The following KCNMA1 variants were observed in gnomAD, a reference collection of about 807,000 sequenced individuals.
KCNMA1 encodes the protein potassium calcium-activated channel subfamily M alpha 1.
Under a neutral mutation model 140.0 loss-of-function variants are expected in KCNMA1, and 29 were observed. The observed-to-expected ratio is 0.21, with a 90% CI of 0.15 to 0.28. The LOEUF (loss-of-function observed/expected upper bound fraction) is 0.28. KCNMA1 is among the 10% of genes least tolerant of loss of function. The pLI is 1.00. For synonymous variants in KCNMA1, 612 were observed against 611.9 expected, an observed-to-expected ratio of 1.00 and a Z score of 0.00; for missense variants, 880 against 1,602.2, an observed-to-expected ratio of 0.55 and a Z score of 7.70.
At chr10:77,103,190 C>G (rs912454539) in intron 9 of KCNMA1, among the ~76,000 whole-genome samples, 3 of 152,194 alleles carry the variant, frequency 2.0e-5, no homozygotes, top group African/African-American at 7.2e-5. Context: ...ATTAAGTACT[C>G]TAGTTTCATA....
intron 2 of KCNMA1, among the ~76,000 whole-genome samples, chr10:77,299,156 T>C (rs77633475): frequency 0.03 from 4,614 of 152,228 alleles, 107 homozygotes; most frequent in South Asian, 0.039. Flanking sequence ...TTTTGGCATG[T>C]GATAAAGATG....
chr10:77,216,366 A>AG (rs2047790113), intron 3 of KCNMA1, among the ~76,000 whole-genome samples: 1 of 152,166 alleles, frequency 6.6e-6, no homozygotes, highest in Non-Finnish European at 1.5e-5. Context: ...ATGAAGAAGA[A>AG]GGGGGGAAGA....
intron 23 of KCNMA1, among the ~76,000 whole-genome samples, chr10:76,920,692 A>G (rs770880852): frequency 6.6e-6 from 1 of 152,214 alleles, no homozygotes; most frequent in Non-Finnish European, 1.5e-5. Flanking sequence ...CCAATTGGTA[A>G]GTGTCCCTGG....
rs144913165 is a variant in KCNMA1, at chr10:77,044,049, C to G, written c.1750-4412G>C. 6.0e-4 allele frequency among the ~76,000 whole-genome samples: 91 copies of G among 152,194 alleles called. 1 individual carries two copies. Among genetic ancestry groups the G allele is most frequent in the Middle Eastern group, 3.4e-3 (1 of 292 alleles). On this transcript the variant is annotated intron_variant, in intron 14 of 27. Coordinates refer to ENST00000286628, the MANE Select transcript of KCNMA1 (RefSeq NM_001161352.2). ...AAAACCCTTATGTATAACATAAGAG[C>G]AGGAGAATCAGTAATTATAATTAAT...
At chr10:77,252,617 C>T (rs889131260) in intron 2 of KCNMA1, among the ~76,000 whole-genome samples, 1 of 151,416 alleles carries the variant, frequency 6.6e-6, no homozygotes, top group Admixed American at 6.6e-5. Flanking sequence ...CACCCACCCA[C>T]ACACACACAC....
At chr10:77,292,018 G>C (rs10824515) in intron 2 of KCNMA1, among the ~76,000 whole-genome samples, 36,498 of 152,060 alleles carry the variant, frequency 0.24, 5,621 homozygotes, top group Non-Finnish European at 0.35. Context: ...TTGAACTAAG[G>C]GATGAAAGTT....
chr10:77,022,813 G>A, intron 16 of KCNMA1: 2 of 242,948 alleles, frequency 8.2e-6, no homozygotes, highest in Middle Eastern at 4.5e-4. Context: ...ATTCTCATCA[G>A]TCAGGCCGAT....
intron 1 of KCNMA1, among the ~76,000 whole-genome samples, chr10:77,633,248 C>T (rs535471935): frequency 6.6e-6 from 1 of 151,960 alleles, no homozygotes; most frequent in Non-Finnish European, 1.5e-5. Flanking sequence ...CCAGGAGGCG[C>T]AGGCTGCAGT....
chr10:77,585,814 G>A (rs1428654974), intron 1 of KCNMA1, among the ~76,000 whole-genome samples: 1 of 152,102 alleles, frequency 6.6e-6, no homozygotes, highest in Non-Finnish European at 1.5e-5. Flanking sequence ...TCAGACCACA[G>A]CTCCTTGAAG....
intron 9 of KCNMA1, among the ~76,000 whole-genome samples, chr10:77,103,558 T>G (rs2097142679): frequency 6.6e-6 from 1 of 152,214 alleles, no homozygotes; most frequent in African/African-American, 2.4e-5. Flanking sequence ...AGTCCAAGTT[T>G]AGCAGATCAC....
Position 77,602,095 on chromosome 10 carries a change from C to G in KCNMA1, c.378+35170G>C, listed in dbSNP as rs543286605. On this transcript the variant is annotated intron_variant, in intron 1 of 27. Coordinates refer to ENST00000286628, the MANE Select transcript of KCNMA1 (RefSeq NM_001161352.2). ...GAGGGGTCTTTTGAATGTATTCCCA[C>G]TTGTGAGGGACACAAAACTCACCAA... is the stretch of plus-strand genomic sequence containing the variant. 2.0e-5 allele frequency among the ~76,000 whole-genome samples: 3 copies of G among 152,322 alleles called. No individual in the cohort carries two copies. The East Asian group carries it at 5.8e-4, about 29-fold the overall frequency.
chr10:77,033,535 G>A (rs1043278946), intron 15 of KCNMA1, among the ~76,000 whole-genome samples: 3 of 151,938 alleles, frequency 2.0e-5, no homozygotes, highest in African/African-American at 7.3e-5. Flanking sequence ...ACTTGATACA[G>A]ACAATTAACT....
rs1317212391 is a variant in KCNMA1 at position 76,941,185 on chromosome 10, G to C, written c.2902+3588C>G. Among the ~76,000 whole-genome samples, 5 of 121,740 alleles carry C rather than the reference G, an allele frequency of 4.1e-5. No homozygotes were observed. The South Asian group carries it at 1.3e-3, about 31-fold the overall frequency. 79.9% of individuals were successfully genotyped at this position (121,740 alleles called of 152,430 possible). A position where few individuals can be genotyped will look rare whatever the true frequency, so the allele number is the denominator to read the frequency against. On this transcript the variant is annotated intron_variant, in intron 23 of 27. Coordinates refer to ENST00000286628, the MANE Select transcript of KCNMA1 (RefSeq NM_001161352.2). ...AAGGGAAGGAAGGAAGGAAGGAAGG[G>C]AGGGAGGGAGGGAAGGAGGGAAAGA... is the stretch of plus-strand genomic sequence containing the variant.
chr10:77,631,880 C>A (rs2093257659), intron 1 of KCNMA1, among the ~76,000 whole-genome samples: 1 of 152,170 alleles, frequency 6.6e-6, no homozygotes, highest in African/African-American at 2.4e-5. Flanking sequence ...GCCCAAGGCT[C>A]CCAAAGGGAG....
intron 2 of KCNMA1, among the ~76,000 whole-genome samples, chr10:77,286,523 C>T (rs1213653246): frequency 6.6e-6 from 1 of 152,140 alleles, no homozygotes; most frequent in Non-Finnish European, 1.5e-5. Context: ...GAGTGATTTC[C>T]ATTGTAGTTT....
At chr10:77,438,061 T>C (rs2097300292) in intron 1 of KCNMA1, among the ~76,000 whole-genome samples, 5 of 151,972 alleles carry the variant, frequency 3.3e-5, no homozygotes, top group Admixed American at 3.3e-4. Context: ...TTGGTTTAAT[T>C]TTAATTTTTT....
intron 1 of KCNMA1, among the ~76,000 whole-genome samples, chr10:77,522,462 G>C (rs1465923423): frequency 6.6e-6 from 1 of 152,152 alleles, no homozygotes; most frequent in African/African-American, 2.4e-5. Flanking sequence ...TTTCAAAATT[G>C]AATAACTGTC....
downstream of KCNMA1, chr10:76,874,606 A>T (rs2151389387): frequency 6.6e-6 from 1 of 152,286 alleles, no homozygotes; most frequent in Admixed American, 6.5e-5. Flanking sequence ...CAAATTTCTT[A>T]TGCTTTTTCA....
chr10:77,605,356 G>T (rs1041610893), intron 1 of KCNMA1, among the ~76,000 whole-genome samples: 1 of 152,212 alleles, frequency 6.6e-6, no homozygotes, highest in Non-Finnish European at 1.5e-5. Flanking sequence ...GAGCTTCAAA[G>T]CACCCGGCAA....
Sources: gnomAD v4.1 joint callset for allele counts (sites outside exome capture counted in the v4.1 genomes callset) on GRCh38, gnomAD v4.1.1 for gene constraint, MANE v1.5 for transcripts, NCBI Gene and HGNC (gene_info 2026-07-23, HGNC 2026-07-21) for gene names.